The following RIMS2 variants were observed in gnomAD, a reference collection of about 807,000 sequenced individuals.
The protein encoded by RIMS2 is regulating synaptic membrane exocytosis protein 2.
RIMS2 carries 59 observed loss-of-function variants against 174.4 expected under a neutral mutation model. The observed-to-expected ratio is 0.34, with a 90% confidence interval of 0.27 to 0.42. The LOEUF is 0.42. Among genes scored for constraint, RIMS2 ranks in the 10% least tolerant of loss-of-function variants. The pLI, the probability that RIMS2 is intolerant of heterozygous loss-of-function variation, is 1.00. For missense variants in RIMS2, 1,620 were observed against 1,666.3 expected (o/e 0.97, Z 0.48); for synonymous variants, 606 against 572.5 (o/e 1.06, Z -0.84).
At chr8:103,849,791 T>G (rs2098987747) in intron 3 of RIMS2, among the ~76,000 whole-genome samples, 1 of 152,074 alleles carries the variant, frequency 6.6e-6, no homozygotes, top group South Asian at 2.1e-4. Context: ...ATTAACAGTC[T>G]GTACCATAGG....
At chr8:103,833,751 G>T (rs961189541) in intron 3 of RIMS2, among the ~76,000 whole-genome samples, 1 of 151,684 alleles carries the variant, frequency 6.6e-6, no homozygotes, top group African/African-American at 2.4e-5. Context: ...TACTCATTTT[G>T]AGAATCTTAC....
chr8:103,749,621 G>T (rs1398197807), intron 2 of RIMS2, among the ~76,000 whole-genome samples: 2 of 152,066 alleles, frequency 1.3e-5, no homozygotes, highest in Non-Finnish European at 2.9e-5. Context: ...GGGTGTATTA[G>T]TCTGTTTTCA....
At chr8:104,042,762 T>A (rs1250149004) in intron 19 of RIMS2, among the ~76,000 whole-genome samples, 1 of 151,602 alleles carries the variant, frequency 6.6e-6, no homozygotes, top group Non-Finnish European at 1.5e-5. Context: ...TATAAATATC[T>A]TATAGAGGTG....
At chr8:103,749,816 T>C (rs2097863403) in intron 2 of RIMS2, among the ~76,000 whole-genome samples, 1 of 152,156 alleles carries the variant, frequency 6.6e-6, no homozygotes, top group South Asian at 2.1e-4. Context: ...ATTTTATAAA[T>C]GTTCTGTTCT....
intron 19 of RIMS2, among the ~76,000 whole-genome samples, chr8:104,095,299 T>G: frequency 6.6e-6 from 1 of 152,274 alleles, no homozygotes; most frequent in Middle Eastern, 3.4e-3. Flanking sequence ...TCTAGTGCAG[T>G]TTGAGTCCTG....
At chr8:104,060,411 G>A (rs2096961538) in intron 19 of RIMS2, among the ~76,000 whole-genome samples, 1 of 151,968 alleles carries the variant, frequency 6.6e-6, no homozygotes, top group African/African-American at 2.4e-5. Context: ...GGGATCGGTG[G>A]TGATATCCCC....
chr8:103,814,206 G>A (rs996925027), intron 3 of RIMS2, among the ~76,000 whole-genome samples: 4 of 152,012 alleles, frequency 2.6e-5, no homozygotes, highest in Admixed American at 1.3e-4. Context: ...ATGAGAACAC[G>A]TGGACACATA....
At chr8:104,218,421 C>A (rs148791401) in intron 19 of RIMS2, among the ~76,000 whole-genome samples, 390 of 152,254 alleles carry the variant, frequency 2.6e-3, no homozygotes, top group African/African-American at 8.6e-3. Flanking sequence ...TTTTTGGCAA[C>A]AGGAAACAGT....
chr8:104,096,231 A>C (rs1017270132), intron 19 of RIMS2, among the ~76,000 whole-genome samples: 1 of 152,150 alleles, frequency 6.6e-6, no homozygotes, highest in Non-Finnish European at 1.5e-5. Context: ...TTTTCTACAT[A>C]CTGTATACAT....
intron 1 of RIMS2, among the ~76,000 whole-genome samples, chr8:103,508,897 T>G (rs1225368571): frequency 6.6e-6 from 1 of 152,064 alleles, no homozygotes; most frequent in Non-Finnish European, 1.5e-5. Flanking sequence ...TCAGGTAAAC[T>G]CTTATGATGC....
chr8:103,753,319 A>C (rs376965876), intron 2 of RIMS2, among the ~76,000 whole-genome samples: 2 of 152,196 alleles, frequency 1.3e-5, no homozygotes, highest in South Asian at 2.1e-4. Context: ...TTTTGATGTG[A>C]TGCTGGATTC....
At chr8:103,942,322 A>G (rs2082721583) in intron 13 of RIMS2, among the ~76,000 whole-genome samples, 1 of 152,068 alleles carries the variant, frequency 6.6e-6, no homozygotes, top group Non-Finnish European at 1.5e-5. Context: ...AAAGAACATG[A>G]TCTTGTTCTT....
At chr8:104,216,965 T>G (rs1234985215) in intron 19 of RIMS2, among the ~76,000 whole-genome samples, 1 of 152,196 alleles carries the variant, frequency 6.6e-6, no homozygotes, top group Non-Finnish European at 1.5e-5. Context: ...AGACAATGCA[T>G]GTGAAGAACT....
intron 1 of RIMS2, among the ~76,000 whole-genome samples, chr8:103,507,384 A>G (rs750266790): frequency 6.6e-6 from 1 of 152,118 alleles, no homozygotes; most frequent in Non-Finnish European, 1.5e-5. Context: ...AGCACACACC[A>G]TGTCTGTTTT....
At chr8:103,607,072 A>T (rs1017633747) in intron 1 of RIMS2, among the ~76,000 whole-genome samples, 7 of 151,384 alleles carry the variant, frequency 4.6e-5, no homozygotes, top group Non-Finnish European at 7.4e-5. Flanking sequence ...TTTGCTCGTT[A>T]GTTGATGCAG....
intron 20 of RIMS2, among the ~76,000 whole-genome samples, chr8:104,246,966 C>T (rs560434424): frequency 4.9e-4 from 73 of 147,958 alleles, no homozygotes; most frequent in Middle Eastern, 3.4e-3. Context: ...CAGGATCTGA[C>T]TTCCGTTTTT....
At chr8:104,225,467 C>A (rs2099181592) in intron 19 of RIMS2, among the ~76,000 whole-genome samples, 2 of 152,260 alleles carry the variant, frequency 1.3e-5, no homozygotes, top group Middle Eastern at 6.8e-3. Flanking sequence ...ATTATGGACT[C>A]ATTTCCCAGA....
chr8:104,012,415 A>T (rs2095793221), intron 17 of RIMS2, among the ~76,000 whole-genome samples: 1 of 150,312 alleles, frequency 6.7e-6, no homozygotes, highest in South Asian at 2.1e-4. Context: ...GAGATAACTT[A>T]TAGGTAAAGT....
intron 1 of RIMS2, among the ~76,000 whole-genome samples, chr8:103,580,978 C>T (rs1052515692): frequency 2.6e-5 from 4 of 151,790 alleles, no homozygotes; most frequent in Non-Finnish European, 4.4e-5. Flanking sequence ...TACAGGCGCC[C>T]GCCACCACGT....
Sources: gnomAD v4.1 joint callset for allele counts (sites outside exome capture counted in the v4.1 genomes callset) on GRCh38, gnomAD v4.1.1 for gene constraint, MANE v1.5 for transcripts, NCBI Gene and HGNC (gene_info 2026-07-23, HGNC 2026-07-21) for gene names.